CFAP53: variants seen among roughly 807,000 people sequenced by gnomAD.
CFAP53 encodes cilia- and flagella-associated protein 53.
In CFAP53, 62 loss-of-function variants were observed where a neutral mutation model predicts 59.7. That is an observed-to-expected ratio of 1.04 (90% confidence interval 0.85 to 1.28). The LOEUF (loss-of-function observed/expected upper bound fraction) is 1.28. Ranked by LOEUF, CFAP53 falls within the 50% of genes most tolerant of loss-of-function variation. The pLI, the probability that CFAP53 is intolerant of heterozygous loss-of-function variation, is 0.00. For missense variants in CFAP53, 629 were observed against 615.6 expected (o/e 1.02, Z -0.23); for synonymous variants, 218 against 205.7 (o/e 1.06, Z -0.51).
chr18:50,247,782 A>G (rs1442477329), intron 5 of CFAP53, among the ~76,000 whole-genome samples: 2 of 152,218 alleles, frequency 1.3e-5, no homozygotes, highest in African/African-American at 4.8e-5. Flanking sequence ...CAAAGTTGAT[A>G]AGTGGCTGCT....
intron 7 of CFAP53, among the ~76,000 whole-genome samples, chr18:50,230,450 C>A (rs1170603294): frequency 6.6e-6 from 1 of 152,204 alleles, no homozygotes; most frequent in African/African-American, 2.4e-5. Flanking sequence ...AAGGATGGTG[C>A]ACCCGCAGAG....
At chr18:50,244,378 T>A (rs1380575001) in intron 5 of CFAP53, among the ~76,000 whole-genome samples, 1 of 152,166 alleles carries the variant, frequency 6.6e-6, no homozygotes, top group Non-Finnish European at 1.5e-5. Flanking sequence ...TGTCGCCAAG[T>A]AAGACGTGCC....
intron 1 of CFAP53, among the ~76,000 whole-genome samples, chr18:50,264,979 A>T (rs12454496): frequency 0.65 from 98,421 of 151,604 alleles, 32,472 homozygotes; most frequent in East Asian, 0.79. Flanking sequence ...GGACCTAAAG[A>T]AGGAGCAGGT....
intron 7 of CFAP53, among the ~76,000 whole-genome samples, chr18:50,231,086 T>C (rs942650830): frequency 2.0e-5 from 3 of 152,144 alleles, no homozygotes; most frequent in Non-Finnish European, 4.4e-5. Flanking sequence ...AACTTCTGCT[T>C]AACATCAAAT....
At chr18:50,247,499 G>T (rs1422799979) in intron 5 of CFAP53, among the ~76,000 whole-genome samples, 1 of 152,164 alleles carries the variant, frequency 6.6e-6, no homozygotes, top group African/African-American at 2.4e-5. Context: ...ACACAAAAAT[G>T]TGTACATGAA....
intron 3 of CFAP53, among the ~76,000 whole-genome samples, chr18:50,259,514 G>A (rs1459650102): frequency 4.0e-5 from 6 of 151,014 alleles, no homozygotes; most frequent in Admixed American, 6.6e-5. Context: ...AAAAAAAAAA[G>A]AATGAATGAA....
chr18:50,264,136 G>T (rs527500620), intron 1 of CFAP53, among the ~76,000 whole-genome samples: 1 of 152,248 alleles, frequency 6.6e-6, no homozygotes, highest in East Asian at 1.9e-4. Context: ...ATGTTATCTT[G>T]TCAATATGTG....
chr18:50,258,323 T>C (rs185273283), intron 3 of CFAP53, among the ~76,000 whole-genome samples: 304 of 152,300 alleles, frequency 2.0e-3, no homozygotes, highest in African/African-American at 7.0e-3. Context: ...AACTCGTTTT[T>C]GACAAAGGAG....
At chr18:50,231,666 G>A (rs1342976141) in intron 7 of CFAP53, among the ~76,000 whole-genome samples, 1 of 152,214 alleles carries the variant, frequency 6.6e-6, no homozygotes, top group African/African-American at 2.4e-5. Flanking sequence ...ACTATCCGGT[G>A]TTGCCTGAAG....
At chr18:50,233,910 T>C (rs879054737) in intron 7 of CFAP53, among the ~76,000 whole-genome samples, 1 of 152,194 alleles carries the variant, frequency 6.6e-6, no homozygotes, top group Non-Finnish European at 1.5e-5. Flanking sequence ...CCTAGGCCAA[T>C]TGATTCCTCA....
In CFAP53 at chr18:50,251,756, A is replaced by G; in HGVS notation, c.502T>C (p.Leu168=). The change falls in exon 4 of 8, where the codon TTG becomes CTG. Residue 168 remains leucine, a synonymous_variant. Coordinates refer to ENST00000398545, the MANE Select transcript of CFAP53 (RefSeq NM_145020.5). ...RERCEELRVE[L]LSIHQKKVCE... ...ACCTTCTTCTGATGGATAGATAACAATTCAACACGGAGCTCCTCACAGCGT... is the reference window on the plus strand; with the variant it reads ...ACCTTCTTCTGATGGATAGATAACAGTTCAACACGGAGCTCCTCACAGCGT... 6.2e-7 allele frequency: 1 copy of G among 1,614,114 alleles called. No homozygotes were observed. The highest frequency in any genetic ancestry group is 1.1e-5 in the South Asian group (1 of 91,058).
chr18:50,234,747 TG>T (rs2033614500), intron 7 of CFAP53, among the ~76,000 whole-genome samples: 1 of 152,234 alleles, frequency 6.6e-6, no homozygotes. Flanking sequence ...CTTCCTAAGT[TG>T]GGCCCTTCAA....
chr18:50,232,390 A>C (rs1355196889), intron 7 of CFAP53, among the ~76,000 whole-genome samples: 1 of 152,272 alleles, frequency 6.6e-6, no homozygotes, highest in Non-Finnish European at 1.5e-5. Context: ...GCTAAGAAGA[A>C]AGAAAAATGC....
intron 7 of CFAP53, among the ~76,000 whole-genome samples, chr18:50,231,474 A>T (rs1391516444): frequency 6.6e-6 from 1 of 152,186 alleles, no homozygotes; most frequent in Non-Finnish European, 1.5e-5. Flanking sequence ...ATCTACCCAG[A>T]GAGACAATTG....
intron 5 of CFAP53, among the ~76,000 whole-genome samples, chr18:50,249,203 C>CAAAAAAA (rs34676585): frequency 2.9e-5 from 3 of 105,128 alleles, no homozygotes; most frequent in African/African-American, 3.8e-5. Flanking sequence ...AATTCTATCT[C>CAAAAAAA]AAAAAAAAAA....
At chr18:50,261,421 A>G (rs757601061) in intron 2 of CFAP53, among the ~76,000 whole-genome samples, 184 bp from the exon 3 acceptor site, 24 of 151,940 alleles carry the variant, frequency 1.6e-4, no homozygotes, top group Admixed American at 3.9e-4. Flanking sequence ...TTGAGACAGG[A>G]TCTCGCTCTG....
chr18:50,237,329 A>AATATATATATATATAT (rs1555671379), intron 7 of CFAP53, among the ~76,000 whole-genome samples: 6 of 6,346 alleles, frequency 9.5e-4, no homozygotes, highest in Admixed American at 4.6e-3. Context: ...AAAAAAAAAA[A>AATATATATATATATAT]ATATATATAT....
At chr18:50,233,661 T>C (rs2033603357) in intron 7 of CFAP53, among the ~76,000 whole-genome samples, 1 of 152,262 alleles carries the variant, frequency 6.6e-6, no homozygotes, top group African/African-American at 2.4e-5. Context: ...GTTTTTATTC[T>C]ATCACGGCTA....
At chr18:50,239,216 C>T (rs1404066672) in intron 6 of CFAP53, among the ~76,000 whole-genome samples, 3 of 151,672 alleles carry the variant, frequency 2.0e-5, no homozygotes, top group East Asian at 1.9e-4. Flanking sequence ...GGTGAAACCC[C>T]GTCTCTACTA....
Sources: allele counts gnomAD v4.1 joint callset (sites outside exome capture counted in the v4.1 genomes callset), GRCh38; gene constraint gnomAD v4.1.1; transcripts MANE v1.5; gene names NCBI Gene and HGNC (gene_info 2026-07-23, HGNC 2026-07-21).